ZNF496: variants seen among roughly 807,000 people sequenced by gnomAD.
ZNF496 encodes the protein NSD1 (nuclear receptor binding SET-domain containing 1)-interacting zinc finger protein 1.
A neutral mutation model predicts 58.9 loss-of-function variants in ZNF496; 11 were observed. That is an observed-to-expected ratio of 0.19 (90% CI 0.12 to 0.31). The LOEUF (loss-of-function observed/expected upper bound fraction) is 0.31, where lower values mean the gene tolerates loss of function less well. Among genes scored for constraint, ZNF496 ranks in the 10% least tolerant of loss-of-function variants. The pLI, the probability that ZNF496 is intolerant of heterozygous loss-of-function variation, is 1.00. For synonymous variants in ZNF496, 338 were observed against 318.2 expected (o/e 1.06, Z -0.66); for missense variants, 660 against 783.0 (o/e 0.84, Z 1.88).
intron 6 of ZNF496, among the ~76,000 whole-genome samples, chr1:247,320,801 A>T (rs1359404937): frequency 6.6e-6 from 1 of 152,230 alleles, no homozygotes; most frequent in African/African-American, 2.4e-5. Flanking sequence ...TGTGGAAGCA[A>T]TGTAAATGTC....
Position 247,328,825 on chromosome 1 carries a change from G to A in ZNF496, c.432C>T (p.Asp144=). The A allele has an allele frequency of 6.2e-7, 1 of 1,610,726 alleles. No homozygotes were observed. Among genetic ancestry groups the A allele is most frequent in the Non-Finnish European group, 8.5e-7 (1 of 1,178,632 alleles). ...GCTCCTGCTCCTGGTCCAGAGGGCT[G>A]TCCCCATCATCAATCACCACAGGGT... is the stretch of plus-strand genomic sequence containing the variant. ...CEDPVVIDDG[D]SPLDQEQEQL... is the part of the protein sequence containing the mutation. Residue 144 remains aspartate, a synonymous_variant, in exon 5 of 10, where the codon GAC becomes GAT. Coordinates refer to ENST00000682384, the MANE Select transcript of ZNF496 (RefSeq NM_032752.3).
At chr1:247,326,607 GTGGGCGAC>G (rs562467322) in intron 5 of ZNF496, among the ~76,000 whole-genome samples, 13 of 152,130 alleles carry the variant, frequency 8.5e-5, no homozygotes, top group Non-Finnish European at 1.3e-4. Context: ...CGTGCATTAT[GTGGGCGAC>G]TGGCTGCTTC....
intron 7 of ZNF496, chr1:247,310,065 A>C (rs1254122774): frequency 7.0e-7 from 1 of 1,428,474 alleles, no homozygotes; most frequent in Non-Finnish European, 9.1e-7. Context: ...ACGATGGAAG[A>C]GAAATGGACA....
Position 247,328,858 on chromosome 1 carries a change from G to C in ZNF496, c.399C>G (p.His133Gln). 1 of 1,590,788 alleles carries C rather than the reference G, an allele frequency of 6.3e-7. No individual in the cohort carries two copies. The highest frequency in any genetic ancestry group is 1.1e-5 in the South Asian group (1 of 87,764). The change falls in exon 5 of 10, where the codon CAC (histidine) becomes CAG (glutamine). Residue 133 changes from histidine (H) to glutamine (Q), a missense_variant. Physicochemically the swap from His to Gln is conservative, Grantham distance 24. Coordinates refer to ENST00000682384, the MANE Select transcript of ZNF496 (RefSeq NM_032752.3). ...EPGRPWQWLK[H>Q]CEDPVVIDDG... The stretch of plus-strand genomic sequence containing the variant: ...CATCAATCACCACAGGGTCTTCACA[G>C]TGCTTGAGCTGCAATCCCAGAGACA...
chr1:247,309,526 T>A lies in ZNF496; in HGVS notation c.892+173A>T, dbSNP rs1277514601. The A allele has an allele frequency of 7.0e-7, 1 of 1,419,612 alleles. No homozygotes were observed. Among genetic ancestry groups the A allele is most frequent in the African/African-American group, 1.4e-5 (1 of 69,388 alleles). The allele number at this position is 1,419,612 out of a possible 1,614,324, so 87.9% of individuals were successfully genotyped here. A position where few individuals can be genotyped will look rare whatever the true frequency, so the allele number is the denominator to read the frequency against. On this transcript the variant is annotated intron_variant, in intron 8 of 9. Transcript: ENST00000682384. The surrounding 1 kb of genome is among the most constrained non-coding windows in gnomAD (Gnocchi z 4.3). Reference sequence around the variant, plus strand: ...TGCCTGGCAAAATTAAGATCCTCCATTCTTTCTATGAAAAGTCAGGGACAA... The same window carrying A: ...TGCCTGGCAAAATTAAGATCCTCCAATCTTTCTATGAAAAGTCAGGGACAA...
chr1:247,308,465 CCTT>C lies in ZNF496; in HGVS notation c.1006+7_1006+9del. 1 of 1,613,302 alleles carries C rather than the reference CCTT, an allele frequency of 6.2e-7. No individual in the cohort carries two copies. The highest frequency in any genetic ancestry group is 8.5e-7 in the Non-Finnish European group (1 of 1,179,268). ...AGGGACAAACCCATACCTCCCTGAC[CCTT>C]CTTTACCTGGGTAGGTGTTTTGAGG... On this transcript the variant is annotated splice_region_variant and intron_variant, in intron 9 of 9. Coordinates refer to ENST00000682384, the MANE Select transcript of ZNF496 (RefSeq NM_032752.3). The surrounding 1 kb of genome is among the most constrained non-coding windows in gnomAD (Gnocchi z 4.5).
Position 247,309,272 on chromosome 1 carries a change from AC to A in ZNF496, c.892+426del. On this transcript the variant is annotated intron_variant, in intron 8 of 9. Coordinates refer to ENST00000682384, the MANE Select transcript of ZNF496 (RefSeq NM_032752.3). This position sits in a 1 kb window ranked among gnomAD's most constrained non-coding sequence, Gnocchi z 4.3. ...CCCCACACCCCAGTGTCCTCACAGC[AC>A]CCCTGTACCAGGCAGATGGGAAGAC... 3.7e-6 allele frequency: 2 copies of A among 547,196 alleles called. No homozygotes were observed. Among genetic ancestry groups the A allele is most frequent in the Non-Finnish European group, 2.4e-6 (1 of 421,676 alleles). The allele number at this position is 547,196 out of a possible 1,614,324, so 33.9% of individuals were successfully genotyped here. A position where few individuals can be genotyped will look rare whatever the true frequency, so the allele number is the denominator to read the frequency against.
At position 247,310,305 on chromosome 1, in the gene ZNF496, G is replaced by C; in HGVS notation, c.784+19C>G. 1 of 1,613,908 alleles carries C rather than the reference G, an allele frequency of 6.2e-7. No individual in the cohort carries two copies. Among genetic ancestry groups the C allele is most frequent in the South Asian group, 1.1e-5 (1 of 91,066 alleles). On this transcript the variant is annotated intron_variant, in intron 7 of 9. Transcript: ENST00000682384. ...CCCAGTTCCCTGGTCTTGAGGTGTG[G>C]GGGGAAGTTAAGTCTTACTTGGAGG...
Position 247,309,552 on chromosome 1 carries a change from G to GGCAAGACAT in ZNF496, c.892+138_892+146dup, listed in dbSNP as rs1659524580. 7.0e-7 allele frequency: 1 copy of GGCAAGACAT among 1,434,146 alleles called. No individual in the cohort carries two copies. Among genetic ancestry groups the GGCAAGACAT allele is most frequent in the Admixed American group, 2.8e-5 (1 of 35,316 alleles). The allele number at this position is 1,434,146 out of a possible 1,614,324, so 88.8% of individuals were successfully genotyped here. On this transcript the variant is annotated intron_variant, in intron 8 of 9. Transcript: ENST00000682384. This position sits in a 1 kb window ranked among gnomAD's most constrained non-coding sequence, Gnocchi z 4.3. ...TCTTTCTATGAAAAGTCAGGGACAA[G>GGCAAGACAT]GCAAGACATGCAAGACCCACATAGA...
Position 247,300,506 on chromosome 1 carries a change from C to G in ZNF496, c.*13G>C. 6.3e-7 allele frequency: 1 copy of G among 1,590,688 alleles called. No homozygotes were observed. Among genetic ancestry groups the G allele is most frequent in the Non-Finnish European group, 8.6e-7 (1 of 1,165,506 alleles). ...AGCACCAGCCAGGGTGAGGCCGCCC[C>G]AGGCGGAGAGGCTCAGTAGGAGTTC... On this transcript the variant is annotated 3_prime_UTR_variant, in exon 10 of 10. Coordinates refer to ENST00000682384, the MANE Select transcript of ZNF496 (RefSeq NM_032752.3). This position sits in a 1 kb window ranked among gnomAD's most constrained non-coding sequence, Gnocchi z 5.7.
At chr1:247,305,517 T>G (rs570892908) in intron 9 of ZNF496, among the ~76,000 whole-genome samples, 1 of 151,928 alleles carries the variant, frequency 6.6e-6, no homozygotes, top group South Asian at 2.1e-4. Context: ...GCAGGCGGAG[T>G]GGCAAAGGCA....
chr1:247,325,880 G>C (rs559462954), intron 5 of ZNF496, among the ~76,000 whole-genome samples: 3 of 152,090 alleles, frequency 2.0e-5, no homozygotes, highest in Non-Finnish European at 4.4e-5. Context: ...ATATATGAAT[G>C]GAGATGCCCC....
intron 9 of ZNF496, among the ~76,000 whole-genome samples, chr1:247,305,563 G>C (rs950461506): frequency 8.5e-5 from 13 of 152,210 alleles, no homozygotes; most frequent in Non-Finnish European, 1.8e-4. Context: ...TATCGCCTCA[G>C]GAAGGATGCT....
In ZNF496 at chr1:247,297,950, A is replaced by T. The variant is rs1659132603; in HGVS notation, c.*2569T>A. 1 of 152,232 alleles carries T rather than the reference A, an allele frequency of 6.6e-6. No individual in the cohort carries two copies. The highest frequency in any genetic ancestry group is 2.1e-4 in the South Asian group (1 of 4,838). 9.4% of individuals were successfully genotyped at this position (152,232 alleles called of 1,614,324 possible). On this transcript the variant is annotated 3_prime_UTR_variant, in exon 10 of 10. Transcript: ENST00000682384. ...TTTTACACAGAAAAACACTCTGGTA[A>T]GTAGAACAGTGTTCTTCTCTTGAGT...
intron 6 of ZNF496, among the ~76,000 whole-genome samples, chr1:247,321,079 G>A (rs1042879605): frequency 1.3e-5 from 2 of 152,112 alleles, no homozygotes; most frequent in Non-Finnish European, 2.9e-5. Context: ...GGGAGGCTGA[G>A]GCAGGAGAAT....
In ZNF496 at chr1:247,308,705, TG is replaced by T. The variant is rs1659496285; in HGVS notation, c.893-118del. 6.2e-6 allele frequency: 6 copies of T among 963,480 alleles called. No individual in the cohort carries two copies. The highest frequency in any genetic ancestry group is 9.4e-6 in the Non-Finnish European group (6 of 636,816). 59.7% of individuals were successfully genotyped at this position (963,480 alleles called of 1,614,324 possible). ...CTGGGGGCGGCCCTGGGCTCCGTCC[TG>T]GGGACTGGCAGGGGGTGGCCACTCA... is the stretch of plus-strand genomic sequence containing the variant. On this transcript the variant is annotated intron_variant, in intron 8 of 9. Coordinates refer to ENST00000682384, the MANE Select transcript of ZNF496 (RefSeq NM_032752.3). The surrounding 1 kb of genome is among the most constrained non-coding windows in gnomAD (Gnocchi z 4.5).
chr1:247,302,320 C>T (rs1039799987), intron 9 of ZNF496, among the ~76,000 whole-genome samples: 1 of 151,752 alleles, frequency 6.6e-6, no homozygotes, highest in African/African-American at 2.4e-5. Context: ...CTATGGAGAG[C>T]AGAGAGATAA....
intron 6 of ZNF496, among the ~76,000 whole-genome samples, chr1:247,319,035 A>G (rs1309199284): frequency 6.6e-6 from 1 of 152,202 alleles, no homozygotes; most frequent in Non-Finnish European, 1.5e-5. Flanking sequence ...GCTGGAGTGC[A>G]GTGATGCAAT....
In ZNF496 at chr1:247,310,342, C is replaced by T. The variant is rs766322731; in HGVS notation, c.766G>A (p.Gly256Arg). The change falls in exon 7 of 10, where the codon GGG becomes AGG. Residue 256 changes from glycine to arginine, a missense_variant. Coordinates refer to ENST00000682384, the MANE Select transcript of ZNF496 (RefSeq NM_032752.3). Reference sequence around the variant, plus strand: ...GTCTTACTTGGAGGCATTGAGACCCCGTAATCCTCCCCAATGATGAACTCT... The same window carrying T: ...GTCTTACTTGGAGGCATTGAGACCCTGTAATCCTCCCCAATGATGAACTCT... Reference protein sequence around the residue: ...YGEFIIGEDYGVSMPPNDLAA... With the variant: ...YGEFIIGEDYRVSMPPNDLAA... The T allele has an allele frequency of 5.0e-6, 8 of 1,613,990 alleles. No homozygotes were observed. Among genetic ancestry groups the T allele is most frequent in the African/African-American group, 4.0e-5 (3 of 74,890 alleles).
Sources: gnomAD v4.1 joint callset for allele counts (sites outside exome capture counted in the v4.1 genomes callset) on GRCh38, gnomAD v4.1.1 for gene constraint, Gnocchi (gnomAD v3.1) non-coding constraint, MANE v1.5 for transcripts, NCBI Gene and HGNC (gene_info 2026-07-23, HGNC 2026-07-21) for gene names.